MAGI1: variants seen among roughly 807,000 people sequenced by gnomAD.
MAGI1 encodes the protein membrane associated guanylate kinase, WW and PDZ domain containing 1, also known as membrane-associated guanylate kinase, WW and PDZ domain-containing protein 1.
A neutral mutation model predicts 139.9 loss-of-function variants in MAGI1; 58 were observed. That is an observed-to-expected ratio of 0.41 (90% CI 0.34 to 0.52). MAGI1 has a LOEUF of 0.52. MAGI1 is among the 20% of genes least tolerant of loss of function. The pLI is 0.12. For missense variants in MAGI1, 1,874 were observed against 1,901.6 expected (o/e 0.99, Z 0.27); for synonymous variants, 812 against 737.9 (o/e 1.10, Z -1.63).
At chr3:65,572,379 G>A (rs1033842889) in intron 2 of MAGI1, among the ~76,000 whole-genome samples, 3 of 152,118 alleles carry the variant, frequency 2.0e-5, no homozygotes, top group African/African-American at 7.2e-5. Flanking sequence ...CAAGCAAATG[G>A]TGTTAAAGGG....
intron 1 of MAGI1, among the ~76,000 whole-genome samples, chr3:65,736,440 C>T (rs987867204): frequency 6.6e-6 from 1 of 152,112 alleles, no homozygotes; most frequent in East Asian, 1.9e-4. Context: ...ACATGACTGG[C>T]TCATGTGAAT....
intron 3 of MAGI1, among the ~76,000 whole-genome samples, chr3:65,484,240 T>C (rs1381912632): frequency 6.6e-6 from 1 of 152,126 alleles, no homozygotes; most frequent in East Asian, 1.9e-4. Context: ...CTTTTGCAGA[T>C]GACAAACATA....
intron 1 of MAGI1, among the ~76,000 whole-genome samples, chr3:65,624,482 T>G (rs1173947172): frequency 6.6e-6 from 1 of 152,166 alleles, no homozygotes; most frequent in African/African-American, 2.4e-5. Flanking sequence ...CTGATGAATC[T>G]CAAACACAGA....
At position 65,356,840 on chromosome 3, in the gene MAGI1, G is replaced by C. The variant is rs748431740; in HGVS notation, c.3927C>G (p.Ala1309=). The C allele has an allele frequency of 2.2e-5, 36 of 1,612,926 alleles. No individual in the cohort carries two copies. Among genetic ancestry groups the C allele is most frequent in the Non-Finnish European group, 3.1e-5 (36 of 1,179,276 alleles). ...GGCCGTTGGCGGCTGCCGCGCGCTC[G>C]GCCTGCGCGTCCCTCCGTCCCTCCG... The part of the protein sequence containing the change: ...RAPEGRRDAQ[A]ERAAAANGPK... Residue 1309 remains alanine, a synonymous_variant, in exon 23 of 23, where the codon GCC becomes GCG. Transcript: ENST00000402939.
intron 1 of MAGI1, among the ~76,000 whole-genome samples, chr3:65,743,434 G>A (rs544476379): frequency 9.9e-5 from 15 of 152,244 alleles, no homozygotes; most frequent in East Asian, 5.8e-4. Context: ...TAGGCCGGGC[G>A]TGGTGGCTCA....
chr3:65,822,168 G>A (rs2041983841), intron 1 of MAGI1, among the ~76,000 whole-genome samples: 1 of 152,178 alleles, frequency 6.6e-6, no homozygotes. Flanking sequence ...AAAGAGAGAT[G>A]AGGAAGGTCA....
At chr3:65,849,449 T>C (rs183868657) in intron 1 of MAGI1, among the ~76,000 whole-genome samples, 6 of 144,910 alleles carry the variant, frequency 4.1e-5, no homozygotes, top group African/African-American at 7.9e-5. Flanking sequence ...ACAAGTATCC[T>C]AAGCTAAAAG....
intron 1 of MAGI1, among the ~76,000 whole-genome samples, chr3:65,898,378 T>C (rs536501390): frequency 1.3e-5 from 2 of 151,992 alleles, no homozygotes; most frequent in African/African-American, 2.4e-5. Flanking sequence ...TATGGAAGAG[T>C]TTAGTGTGGC....
At chr3:65,845,826 G>C (rs902780746) in intron 1 of MAGI1, among the ~76,000 whole-genome samples, 1 of 152,156 alleles carries the variant, frequency 6.6e-6, no homozygotes, top group East Asian at 1.9e-4. Flanking sequence ...TTTACGAAAG[G>C]TAAGTTTTGC....
chr3:65,661,969 G>A (rs140074656), intron 1 of MAGI1, among the ~76,000 whole-genome samples: 1,759 of 151,592 alleles, frequency 0.012, 42 homozygotes, highest in African/African-American at 0.041. Flanking sequence ...GGATGGTCTC[G>A]ATCTCCTGAC....
chr3:65,467,855 T>C (rs1008165015), intron 5 of MAGI1, among the ~76,000 whole-genome samples: 1 of 152,238 alleles, frequency 6.6e-6, no homozygotes, highest in African/African-American at 2.4e-5. Context: ...GGCAATTTAA[T>C]GCAAAAGCTA....
intron 2 of MAGI1, among the ~76,000 whole-genome samples, chr3:65,533,574 T>A (rs1352894894): frequency 6.6e-6 from 1 of 152,192 alleles, no homozygotes; most frequent in Non-Finnish European, 1.5e-5. Flanking sequence ...AAAAATTCCA[T>A]CGGTGTACCA....
chr3:65,525,673 C>A (rs1471461410), intron 2 of MAGI1, among the ~76,000 whole-genome samples: 1 of 152,086 alleles, frequency 6.6e-6, no homozygotes, highest in African/African-American at 2.4e-5. Context: ...TCACAGAGAG[C>A]CCCTGAGTTG....
chr3:65,717,697 A>G (rs1042138031), intron 1 of MAGI1, among the ~76,000 whole-genome samples: 3 of 152,204 alleles, frequency 2.0e-5, no homozygotes, highest in Non-Finnish European at 4.4e-5. Flanking sequence ...CAAGCTCAAA[A>G]CTTTCCATTC....
chr3:65,590,014 C>G (rs574543458), intron 2 of MAGI1, among the ~76,000 whole-genome samples: 1 of 152,244 alleles, frequency 6.6e-6, no homozygotes, highest in Non-Finnish European at 1.5e-5. Flanking sequence ...CCCAGAAACA[C>G]CAGCCTCTTA....
At chr3:65,542,261 A>C (rs1229280414) in intron 2 of MAGI1, among the ~76,000 whole-genome samples, 1 of 152,234 alleles carries the variant, frequency 6.6e-6, no homozygotes, top group Non-Finnish European at 1.5e-5. Flanking sequence ...TGCTCAAGGA[A>C]ATAAGTCAGG....
intron 13 of MAGI1, among the ~76,000 whole-genome samples, chr3:65,391,711 C>T (rs560482452): frequency 6.6e-5 from 10 of 152,304 alleles, no homozygotes; most frequent in African/African-American, 1.7e-4. Flanking sequence ...AAATATGTGA[C>T]ACCAAATACC....
chr3:65,848,579 CTTT>C (rs5849700), intron 1 of MAGI1, among the ~76,000 whole-genome samples: 1 of 147,288 alleles, frequency 6.8e-6, no homozygotes. Context: ...AAGTTGTATT[CTTT>C]TTTTTTTTTT....
chr3:65,792,644 A>G (rs2039867267), intron 1 of MAGI1, among the ~76,000 whole-genome samples: 2 of 152,174 alleles, frequency 1.3e-5, no homozygotes, highest in South Asian at 4.1e-4. Flanking sequence ...TGATCTGATC[A>G]GCTACTAAGT....
Sources: gnomAD v4.1 joint callset for allele counts (sites outside exome capture counted in the v4.1 genomes callset) on GRCh38, gnomAD v4.1.1 for gene constraint, MANE v1.5 for transcripts, NCBI Gene and HGNC (gene_info 2026-07-23, HGNC 2026-07-21) for gene names.